GRID2: variants seen among roughly 807,000 people sequenced by gnomAD.
GRID2 encodes glutamate ionotropic receptor delta type subunit 2, also known as glutamate receptor ionotropic, delta-2.
In GRID2, 33 loss-of-function variants were observed where a neutral mutation model predicts 114.8. The observed-to-expected ratio is 0.29, with a 90% CI of 0.22 to 0.38. The LOEUF is 0.38. GRID2 is among the 10% of genes least tolerant of loss of function. GRID2 has a pLI of 1.00. For missense variants in GRID2, 1,184 were observed against 1,257.7 expected (o/e 0.94, Z 0.89); for synonymous variants, 505 against 449.9 (o/e 1.12, Z -1.55).
intron 12 of GRID2, among the ~76,000 whole-genome samples, chr4:93,508,750 G>T (rs929308401): frequency 6.6e-6 from 1 of 152,266 alleles, no homozygotes; most frequent in Non-Finnish European, 1.5e-5. Context: ...ATGGGAACCA[G>T]CAATCTATAT....
At chr4:92,608,049 GA>G (rs1236173735) in intron 2 of GRID2, among the ~76,000 whole-genome samples, 1 of 151,790 alleles carries the variant, frequency 6.6e-6, no homozygotes, top group Non-Finnish European at 1.5e-5. Flanking sequence ...TCTGAAAGGA[GA>G]AAAAGTCTAA....
chr4:93,145,852 GCACA>G (rs1381192605), intron 4 of GRID2, among the ~76,000 whole-genome samples: 2 of 102,672 alleles, frequency 1.9e-5, no homozygotes, highest in Non-Finnish European at 3.8e-5. Context: ...ATTTGTGCAT[GCACA>G]CACACACATA....
intron 8 of GRID2, among the ~76,000 whole-genome samples, chr4:93,313,169 G>A (rs1454877114): frequency 6.6e-6 from 1 of 151,814 alleles, no homozygotes; most frequent in African/African-American, 2.4e-5. Flanking sequence ...AAAAAAATCT[G>A]CAGGAAAAAG....
intron 1 of GRID2, among the ~76,000 whole-genome samples, chr4:92,328,439 A>G (rs774314232): frequency 6.6e-6 from 1 of 152,078 alleles, no homozygotes; most frequent in Non-Finnish European, 1.5e-5. Context: ...TCATTAGGAA[A>G]ATGATGACAA....
intron 8 of GRID2, among the ~76,000 whole-genome samples, chr4:93,309,361 C>G (rs906270269): frequency 6.6e-6 from 1 of 151,960 alleles, no homozygotes; most frequent in Non-Finnish European, 1.5e-5. Flanking sequence ...ATGGCGAAAC[C>G]CTGTCTCTGT....
Position 93,772,651 on chromosome 4 carries a change from C to T in GRID2, c.*153C>T. Reference sequence around the variant, plus strand: ...TTTTTTCCTCCCACCTTCTCCCTCTCCTCTCTCCTCTATGATTTTCTCTCT... The same window carrying T: ...TTTTTTCCTCCCACCTTCTCCCTCTTCTCTCTCCTCTATGATTTTCTCTCT... On this transcript the variant is annotated 3_prime_UTR_variant, in exon 16 of 16. Coordinates refer to ENST00000282020, the MANE Select transcript of GRID2 (RefSeq NM_001510.4). The T allele has an allele frequency of 1.7e-6, 1 of 573,748 alleles. No individual in the cohort carries two copies. Among genetic ancestry groups the T allele is most frequent in the Middle Eastern group, 4.3e-4 (1 of 2,340 alleles). 35.5% of individuals were successfully genotyped at this position (573,748 alleles called of 1,614,324 possible).
chr4:92,610,933 T>C (rs372955500), intron 2 of GRID2, among the ~76,000 whole-genome samples: 14 of 151,862 alleles, frequency 9.2e-5, no homozygotes, highest in African/African-American at 3.4e-4. Flanking sequence ...GGATATATCA[T>C]TTTGTTTTTC....
At chr4:93,026,277 A>G (rs1723875083) in intron 2 of GRID2, among the ~76,000 whole-genome samples, 1 of 151,772 alleles carries the variant, frequency 6.6e-6, no homozygotes, top group South Asian at 2.1e-4. Context: ...TTAATTTTTT[A>G]TACATTGAGC....
rs1218450298 is a variant in GRID2, at chr4:92,790,897, C to A, written c.244+200611C>A. 2.6e-5 allele frequency among the ~76,000 whole-genome samples: 4 copies of A among 151,832 alleles called. No individual in the cohort carries two copies. In the East Asian group the frequency reaches 7.8e-4, roughly 30 times the overall value. On this transcript the variant is annotated intron_variant, in intron 2 of 15. Transcript: ENST00000282020. ...AGGGGCAAGCACCGGGGCACAGGAG[C>A]CAGACTGCTGAGTTTTAATCCCATT...
chr4:93,656,829 C>CAAAAAAAAAAAAAAAAAAAAAA (rs61508444), intron 14 of GRID2, among the ~76,000 whole-genome samples: 1 of 31,902 alleles, frequency 3.1e-5, no homozygotes, highest in Non-Finnish European at 5.9e-5. Context: ...GACTCTGCCT[C>CAAAAAAAAAAAAAAAAAAAAAA]AAAAAAAAAA....
At chr4:93,763,122 C>T (rs905002861) in intron 14 of GRID2, among the ~76,000 whole-genome samples, 17 of 152,182 alleles carry the variant, frequency 1.1e-4, no homozygotes, top group African/African-American at 3.1e-4. Context: ...GCTGCCAAAG[C>T]GAATTCAAGG....
At chr4:92,535,836 G>A (rs139863150) in intron 1 of GRID2, among the ~76,000 whole-genome samples, 101 of 152,130 alleles carry the variant, frequency 6.6e-4, no homozygotes, top group African/African-American at 2.2e-3. Context: ...TGGCGGGTTC[G>A]TCGTCTTGCT....
intron 3 of GRID2, among the ~76,000 whole-genome samples, chr4:93,090,649 A>G (rs926941224): frequency 6.6e-6 from 1 of 152,198 alleles, no homozygotes; most frequent in Non-Finnish European, 1.5e-5. Context: ...AGATCTCATT[A>G]GTGTACTATA....
At chr4:92,470,835 T>A (rs1721997588) in intron 1 of GRID2, among the ~76,000 whole-genome samples, 1 of 152,010 alleles carries the variant, frequency 6.6e-6, no homozygotes, top group Non-Finnish European at 1.5e-5. Context: ...TAAGCCAGAA[T>A]AATATATATG....
chr4:93,722,010 C>T (rs892687472), intron 14 of GRID2, among the ~76,000 whole-genome samples: 1 of 151,168 alleles, frequency 6.6e-6, no homozygotes, highest in African/African-American at 2.4e-5. Context: ...CCTCCACTTC[C>T]CAGGTTCAAG....
At chr4:93,558,157 C>A (rs544327748) in intron 13 of GRID2, among the ~76,000 whole-genome samples, 33 of 152,104 alleles carry the variant, frequency 2.2e-4, no homozygotes, top group Admixed American at 9.8e-4. Flanking sequence ...AATCGACGCC[C>A]TAACAATGAA....
intron 1 of GRID2, among the ~76,000 whole-genome samples, chr4:92,369,964 A>G (rs1729043099): frequency 6.6e-6 from 1 of 152,154 alleles, no homozygotes; most frequent in African/African-American, 2.4e-5. Context: ...AAATACAGGC[A>G]TATCTTGTTT....
rs1253869750 is a variant in GRID2, at chr4:93,005,249, T to C, written c.245-79746T>C. On this transcript the variant is annotated intron_variant, in intron 2 of 15. Coordinates refer to ENST00000282020, the MANE Select transcript of GRID2 (RefSeq NM_001510.4). ...TAGATAACATGGTCATTCATCAAAA[T>C]GTTCAGTCCACAAATTTAGGAGTTA... is the stretch of plus-strand genomic sequence containing the variant. Among the ~76,000 whole-genome samples the C allele has an allele frequency of 2.0e-5, 3 of 152,228 alleles. No homozygotes were observed. In the East Asian group the frequency reaches 5.8e-4, roughly 29 times the overall value.
At chr4:92,958,717 C>T (rs117578938) in intron 2 of GRID2, among the ~76,000 whole-genome samples, 3,039 of 152,116 alleles carry the variant, frequency 0.02, 44 homozygotes, top group East Asian at 0.052. Context: ...TCTGTTTCCA[C>T]CCTCAGAAAG....
Sources: gnomAD v4.1 joint callset for allele counts (sites outside exome capture counted in the v4.1 genomes callset) on GRCh38, gnomAD v4.1.1 for gene constraint, MANE v1.5 for transcripts, NCBI Gene and HGNC (gene_info 2026-07-23, HGNC 2026-07-21) for gene names.